Variants in MDGA2 observed in about 807,000 individuals in gnomAD.
MDGA2 encodes MAM domain containing glycosylphosphatidylinositol anchor 2.
Under a neutral mutation model 117.8 loss-of-function variants are expected in MDGA2, and 40 were observed. The ratio of observed to expected loss-of-function variants is 0.34; its 90% confidence interval spans 0.26 to 0.44. The LOEUF (loss-of-function observed/expected upper bound fraction) is 0.44. Ranked by LOEUF, MDGA2 falls within the 20% of genes least tolerant of loss-of-function variation. The pLI is 1.00. For missense variants in MDGA2, 1,123 were observed against 1,250.6 expected, an observed-to-expected ratio of 0.90 and a Z score of 1.54; for synonymous variants, 452 against 439.0, an observed-to-expected ratio of 1.03 and a Z score of -0.37.
At chr14:46,907,638 C>T (rs955730952) in intron 10 of MDGA2, among the ~76,000 whole-genome samples, 4 of 152,088 alleles carry the variant, frequency 2.6e-5, no homozygotes, top group Non-Finnish European at 5.9e-5. Context: ...CATTTCTTAG[C>T]TGAATTACTT....
At chr14:47,515,035 T>C (rs1894722744) in intron 1 of MDGA2, among the ~76,000 whole-genome samples, 1 of 152,334 alleles carries the variant, frequency 6.6e-6, no homozygotes, top group South Asian at 2.1e-4. Context: ...GCTCACTTTG[T>C]ATTTTCTTAT....
chr14:47,630,939 T>C (rs562043179), intron 1 of MDGA2, among the ~76,000 whole-genome samples: 1 of 152,336 alleles, frequency 6.6e-6, no homozygotes, highest in South Asian at 2.1e-4. Context: ...CCTAGTGAGG[T>C]TAAGCCCTGT....
In MDGA2 at chr14:47,170,343, A is replaced by T. The variant is rs116305136; in HGVS notation, c.596-26069T>A. 5.6e-3 allele frequency among the ~76,000 whole-genome samples: 859 copies of T among 152,318 alleles called. 3 individuals carry two copies. The highest frequency in any genetic ancestry group is 0.019 in the African/African-American group (803 of 41,584). ...ACAACTGATAATGAGGAAATAAATC[A>T]TAATAACAAATAATGCTAAATTATT... On this transcript the variant is annotated intron_variant, in intron 3 of 16. Transcript: ENST00000399232.
chr14:47,242,753 G>A (rs948778124), intron 2 of MDGA2, among the ~76,000 whole-genome samples: 5 of 151,902 alleles, frequency 3.3e-5, no homozygotes, highest in Admixed American at 1.3e-4. Context: ...TGTGCGGCCC[G>A]AGCCTCCCCG....
chr14:47,568,198 C>G (rs188738950), intron 1 of MDGA2, among the ~76,000 whole-genome samples: 5 of 152,228 alleles, frequency 3.3e-5, no homozygotes, highest in East Asian at 3.9e-4. Context: ...AAGTCATCAA[C>G]CAACTGCTGT....
intron 2 of MDGA2, among the ~76,000 whole-genome samples, chr14:47,298,494 T>C (rs1889152386): frequency 6.6e-6 from 1 of 152,094 alleles, no homozygotes; most frequent in Non-Finnish European, 1.5e-5. Context: ...TTTCCAACTA[T>C]TATTATACTC....
intron 1 of MDGA2, among the ~76,000 whole-genome samples, chr14:47,312,927 C>CATACAT (rs149857477): frequency 2.0e-5 from 3 of 146,470 alleles, no homozygotes; most frequent in African/African-American, 7.5e-5. Flanking sequence ...TATATATATA[C>CATACAT]ATATATATAT....
intron 1 of MDGA2, among the ~76,000 whole-genome samples, chr14:47,320,800 T>G (rs1889956845): frequency 1.3e-5 from 2 of 152,178 alleles, no homozygotes; most frequent in Non-Finnish European, 2.9e-5. Flanking sequence ...CTCCTCTATT[T>G]TTCCTGGAGG....
At chr14:47,208,629 G>C (rs942082671) in intron 3 of MDGA2, among the ~76,000 whole-genome samples, 1 of 150,268 alleles carries the variant, frequency 6.7e-6, no homozygotes, top group African/African-American at 2.4e-5. Context: ...TCCATGAACC[G>C]CCTGGAAATC....
At chr14:47,341,321 A>T (rs1890615116) in intron 1 of MDGA2, among the ~76,000 whole-genome samples, 1 of 152,220 alleles carries the variant, frequency 6.6e-6, no homozygotes, top group African/African-American at 2.4e-5. Flanking sequence ...TTCCTGATGC[A>T]ATGGTATGTG....
intron 8 of MDGA2, among the ~76,000 whole-genome samples, chr14:46,980,190 C>G (rs1434168786): frequency 6.6e-6 from 1 of 152,124 alleles, no homozygotes; most frequent in Non-Finnish European, 1.5e-5. Context: ...AATATCAACA[C>G]TAACAGGAGT....
intron 5 of MDGA2, among the ~76,000 whole-genome samples, chr14:47,118,437 T>A (rs182927477): frequency 2.0e-5 from 3 of 152,202 alleles, no homozygotes; most frequent in Admixed American, 6.5e-5. Context: ...GGATCACCTA[T>A]GAATTCACTT....
chr14:47,033,397 G>A lies in MDGA2; in HGVS notation c.1819+1614C>T, dbSNP rs969557829. On this transcript the variant is annotated intron_variant, in intron 8 of 16. Transcript: ENST00000399232. The stretch of plus-strand genomic sequence containing the variant: ...TTGCACTAATAGCTGCAGGAACACT[G>A]AAGCTTTGTGCATAACTCGAAGCAG... Among the ~76,000 whole-genome samples, 7 of 152,298 alleles carry A rather than the reference G, an allele frequency of 4.6e-5. No homozygotes were observed. The East Asian group carries it at 1.2e-3, about 25-fold the overall frequency.
At chr14:47,270,549 T>C (rs1888110480) in intron 2 of MDGA2, among the ~76,000 whole-genome samples, 1 of 152,190 alleles carries the variant, frequency 6.6e-6, no homozygotes, top group South Asian at 2.1e-4. Context: ...GGAATGGTAA[T>C]ACCACTTTAC....
intron 7 of MDGA2, among the ~76,000 whole-genome samples, chr14:47,051,757 A>G (rs1230057125): frequency 6.6e-6 from 1 of 151,910 alleles, no homozygotes; most frequent in Non-Finnish European, 1.5e-5. Flanking sequence ...CATAGAAGAA[A>G]ATGGTGATGA....
chr14:47,074,357 G>A (rs1197685817), intron 6 of MDGA2, among the ~76,000 whole-genome samples: 2 of 151,058 alleles, frequency 1.3e-5, no homozygotes, highest in Admixed American at 1.3e-4. Flanking sequence ...CTGGAGTGCA[G>A]TGCGGTGGCG....
intron 7 of MDGA2, among the ~76,000 whole-genome samples, chr14:47,040,618 A>C (rs1889029678): frequency 6.6e-6 from 1 of 152,158 alleles, no homozygotes; most frequent in African/African-American, 2.4e-5. Flanking sequence ...TTGAATGAGC[A>C]GTTCTTTTCC....
At chr14:47,613,748 T>C (rs1000748394) in intron 1 of MDGA2, among the ~76,000 whole-genome samples, 1 of 152,160 alleles carries the variant, frequency 6.6e-6, no homozygotes, top group Non-Finnish European at 1.5e-5. Flanking sequence ...TGTAATTTTC[T>C]TTGCTGGTAA....
intron 1 of MDGA2, among the ~76,000 whole-genome samples, chr14:47,617,901 T>TA (rs1896976371): frequency 1.3e-5 from 2 of 152,212 alleles, no homozygotes; most frequent in South Asian, 4.2e-4. Context: ...AGATTTATAT[T>TA]AAAAAATGCC....
Sources: gnomAD v4.1 joint callset for allele counts (sites outside exome capture counted in the v4.1 genomes callset) on GRCh38, gnomAD v4.1.1 for gene constraint, MANE v1.5 for transcripts, NCBI Gene and HGNC (gene_info 2026-07-23, HGNC 2026-07-21) for gene names.